The following PAIP1 variants were observed in gnomAD, a reference collection of about 807,000 sequenced individuals.
PAIP1 encodes the protein poly(A) binding protein interacting protein 1, also known as polyadenylate-binding protein-interacting protein 1.
PAIP1 carries 16 observed loss-of-function variants against 61.3 expected under a neutral mutation model. That is an observed-to-expected ratio of 0.26 (90% CI 0.18 to 0.40). The LOEUF (loss-of-function observed/expected upper bound fraction) is 0.40. Among genes scored for constraint, PAIP1 ranks in the 10% least tolerant of loss-of-function variants. The pLI, the probability that PAIP1 is intolerant of heterozygous loss-of-function variation, is 1.00. For missense variants in PAIP1, 416 were observed against 600.9 expected, an observed-to-expected ratio of 0.69 and a Z score of 3.22; for synonymous variants, 187 against 226.2, an observed-to-expected ratio of 0.83 and a Z score of 1.56.
intron 7 of PAIP1, 54 bp from the exon 8 acceptor site, chr5:43,535,024 C>A: frequency 1.1e-6 from 1 of 909,750 alleles, no homozygotes. Context: ...GCTGTCAGAC[C>A]CTAAAATATC....
intron 5 of PAIP1, 60 bp from the exon 6 acceptor site, chr5:43,537,004 A>T: frequency 7.9e-7 from 1 of 1,265,606 alleles, no homozygotes; most frequent in East Asian, 2.5e-5. Flanking sequence ...CAGATACATA[A>T]ATGAACTAAC....
Position 43,556,577 on chromosome 5 carries a change from C to G in PAIP1, c.265+5G>C. ...AGGACTGGGGCCCTTAGAGCTGCTC[C>G]GTACCTGGGAGCGCCCCGGGCCGGG... On this transcript the variant is annotated splice_donor_5th_base_variant and intron_variant, in intron 1 of 10. Coordinates refer to ENST00000306846, the MANE Select transcript of PAIP1 (RefSeq NM_006451.5). The G allele has an allele frequency of 1.8e-5, 23 of 1,252,002 alleles. No homozygotes were observed. Among genetic ancestry groups the G allele is most frequent in the Non-Finnish European group, 2.2e-5 (22 of 993,606 alleles). The allele number at this position is 1,252,002 out of a possible 1,614,324, so 77.6% of individuals were successfully genotyped here.
At chr5:43,540,603 C>A (rs1416808071) in intron 4 of PAIP1, among the ~76,000 whole-genome samples, 1 of 152,220 alleles carries the variant, frequency 6.6e-6, no homozygotes, top group Non-Finnish European at 1.5e-5. Flanking sequence ...CAAGAGATAA[C>A]TGCTGTGAAG....
At chr5:43,533,673 G>A in intron 9 of PAIP1, 65 bp downstream of exon 9, 1 of 984,148 alleles carries the variant, frequency 1.0e-6, no homozygotes, top group East Asian at 2.4e-5. Flanking sequence ...TGAGGATGTG[G>A]TTTTCTGTAA....
chr5:43,537,527 T>C (rs1349466264), intron 5 of PAIP1, among the ~76,000 whole-genome samples: 1 of 152,122 alleles, frequency 6.6e-6, no homozygotes, highest in Non-Finnish European at 1.5e-5. Flanking sequence ...TAAAAAGGCA[T>C]AGTAAGTTAG....
In PAIP1 at chr5:43,536,961, A is replaced by G. The variant is rs748274613; in HGVS notation, c.847-17T>C. ...TCCCTTGATCTTTCGGGACCAAAAA[A>G]AAGAACAAAAGGAATGATGCCAAAA... On this transcript the variant is annotated splice_polypyrimidine_tract_variant and intron_variant, in intron 5 of 10. Transcript: ENST00000306846. The G allele has an allele frequency of 1.3e-6, 2 of 1,552,512 alleles. No individual in the cohort carries two copies. Among genetic ancestry groups the G allele is most frequent in the Non-Finnish European group, 1.7e-6 (2 of 1,151,666 alleles).
At chr5:43,546,218 A>G (rs1311540507) in intron 3 of PAIP1, among the ~76,000 whole-genome samples, 5 of 152,248 alleles carry the variant, frequency 3.3e-5, no homozygotes, top group African/African-American at 4.8e-5. Context: ...TACTGACTAC[A>G]TATTTGACAA....
At position 43,547,042 on chromosome 5, in the gene PAIP1, C is replaced by CAAAAAAAAAAAAA. The variant is rs766493987; in HGVS notation, c.621+673_621+685dup. On this transcript the variant is annotated intron_variant, in intron 3 of 10. Transcript: ENST00000306846. ...TGGGAGACAGGGCAAGACTCCATAT[C>CAAAAAAAAAAAAA]AAAAAAAAAAAAAAAAAAAAAAAAA... is the stretch of plus-strand genomic sequence containing the variant. Among the ~76,000 whole-genome samples the CAAAAAAAAAAAAA allele has an allele frequency of 1.1e-3, 39 of 35,666 alleles. 14 individuals are homozygous for CAAAAAAAAAAAAA. Among genetic ancestry groups the CAAAAAAAAAAAAA allele is most frequent in the Admixed American group, 1.3e-3 (4 of 3,100 alleles). 23.4% of individuals were successfully genotyped at this position (35,666 alleles called of 152,430 possible).
rs903507391 is a variant in PAIP1, at chr5:43,539,626, C to T, written c.735-591G>A. Among the ~76,000 whole-genome samples, 3 of 152,160 alleles carry T rather than the reference C, an allele frequency of 2.0e-5. No individual in the cohort carries two copies. The South Asian group carries it at 6.2e-4, about 32-fold the overall frequency. On this transcript the variant is annotated intron_variant, in intron 4 of 10. Coordinates refer to ENST00000306846, the MANE Select transcript of PAIP1 (RefSeq NM_006451.5). ...ATATAGAAAGCACCGGACTTGTTTTCTATTTCCAATGAGACTGACAGCTTC... is the reference window on the plus strand; with the variant it reads ...ATATAGAAAGCACCGGACTTGTTTTTTATTTCCAATGAGACTGACAGCTTC...
Position 43,556,722 on chromosome 5 carries a change from C to G in PAIP1, c.125G>C (p.Arg42Pro). ...GGCTTTGGGTTGCGGCGGCTGGTGC[C>G]GCGCCCGCTCAGCAGGCCCCGCTCC... ...PNGAGPAERA[R>P]HQPPQPKAPG... The change falls in exon 1 of 11, where the codon CGG becomes CCG. Residue 42 changes from arginine (R) to proline (P), a missense_variant. Physicochemically the swap from Arg to Pro is moderately radical, Grantham distance 103 (BLOSUM62 -2). This residue lies in a region of PAIP1 where 97 missense variants were observed against 89.5 expected (regional missense o/e 1.08). Coordinates refer to ENST00000306846, the MANE Select transcript of PAIP1 (RefSeq NM_006451.5). 1 of 1,343,806 alleles carries G rather than the reference C, an allele frequency of 7.4e-7. No individual in the cohort carries two copies. Among genetic ancestry groups the G allele is most frequent in the Non-Finnish European group, 9.5e-7 (1 of 1,051,598 alleles). The allele number at this position is 1,343,806 out of a possible 1,614,324, so 83.2% of individuals were successfully genotyped here. A position where few individuals can be genotyped will look rare whatever the true frequency, so the allele number is the denominator to read the frequency against.
At chr5:43,550,948 TTC>T (rs1393184677) in intron 2 of PAIP1, among the ~76,000 whole-genome samples, 5 of 150,358 alleles carry the variant, frequency 3.3e-5, no homozygotes, top group African/African-American at 1.2e-4. Flanking sequence ...AGGAAAGATA[TTC>T]TCTTTCTATG....
At chr5:43,548,395 GAAA>G (rs57478431) in intron 2 of PAIP1, among the ~76,000 whole-genome samples, 1 of 148,374 alleles carries the variant, frequency 6.7e-6, no homozygotes, top group Non-Finnish European at 1.5e-5. Flanking sequence ...TTTTATTGGG[GAAA>G]AAAAAAACAA....
chr5:43,556,948 A>T lies in PAIP1; in HGVS notation c.-102T>A. 1 of 1,266,428 alleles carries T rather than the reference A, an allele frequency of 7.9e-7. No individual in the cohort carries two copies. Among genetic ancestry groups the T allele is most frequent in the Non-Finnish European group, 9.9e-7 (1 of 1,005,602 alleles). 78.4% of individuals were successfully genotyped at this position (1,266,428 alleles called of 1,614,324 possible). On this transcript the variant is annotated 5_prime_UTR_variant, in exon 1 of 11. It removes the in-frame stop codon of an upstream open reading frame in the 5' UTR. Coordinates refer to ENST00000306846, the MANE Select transcript of PAIP1 (RefSeq NM_006451.5). ...GGGTCGGCTATAGCCGCCGCGCCTC[A>T]CTCGGGCCTCATGGAGGAGGAGGGC...
At chr5:43,546,854 T>C (rs1295941527) in intron 3 of PAIP1, among the ~76,000 whole-genome samples, 2 of 151,524 alleles carry the variant, frequency 1.3e-5, no homozygotes, top group African/African-American at 4.9e-5. Context: ...ACCAGCCCGG[T>C]CAACACGGTG....
At chr5:43,550,764 A>G (rs1484987953) in intron 2 of PAIP1, among the ~76,000 whole-genome samples, 2 of 150,972 alleles carry the variant, frequency 1.3e-5, no homozygotes, top group Non-Finnish European at 2.9e-5. Context: ...CCATGAATAA[A>G]GCAGACAAGG....
chr5:43,555,774 C>A, intron 2 of PAIP1, 56 bp downstream of exon 2: 1 of 1,433,446 alleles, frequency 7.0e-7, no homozygotes, highest in Non-Finnish European at 9.5e-7. Context: ...AACAAAGTAA[C>A]AACCACATTA....
intron 2 of PAIP1, among the ~76,000 whole-genome samples, chr5:43,553,820 T>C (rs911198013): frequency 6.6e-6 from 1 of 152,192 alleles, no homozygotes; most frequent in African/African-American, 2.4e-5. Context: ...ACAGACTCCA[T>C]CTAAAGAGAA....
intron 8 of PAIP1, 83 bp downstream of exon 8, chr5:43,534,770 G>C: frequency 1.3e-6 from 1 of 774,728 alleles, no homozygotes; most frequent in South Asian, 1.5e-5. Flanking sequence ...ACTGAATTCT[G>C]AGAACAGCTT....
At chr5:43,529,723 C>T (rs1746862769) in intron 10 of PAIP1, 63 bp downstream of exon 10, 1 of 882,254 alleles carries the variant, frequency 1.1e-6, no homozygotes. Flanking sequence ...GCTACTTTGT[C>T]TAATCTCCAC....
Sources: allele counts gnomAD v4.1 joint callset (sites outside exome capture counted in the v4.1 genomes callset), GRCh38; gene constraint gnomAD v4.1.1; regional missense constraint gnomAD v4.1.1; transcripts MANE v1.5; gene names NCBI Gene and HGNC (gene_info 2026-07-23, HGNC 2026-07-21).